The following TEAD1 variants were observed in gnomAD, a reference collection of about 807,000 sequenced individuals.
The protein encoded by TEAD1 is transcriptional enhancer factor TEF-1.
A neutral mutation model predicts 54.9 loss-of-function variants in TEAD1; 9 were observed. That is an observed-to-expected ratio of 0.16 (90% CI 0.10 to 0.29). The LOEUF (loss-of-function observed/expected upper bound fraction) is 0.29, where lower values mean the gene tolerates loss of function less well. Ranked by LOEUF, TEAD1 falls within the 10% of genes least tolerant of loss-of-function variation. TEAD1 has a pLI of 1.00. For synonymous variants in TEAD1, 200 were observed against 187.8 expected, an observed-to-expected ratio of 1.07 and a Z score of -0.53; for missense variants, 387 against 535.9, an observed-to-expected ratio of 0.72 and a Z score of 2.74.
intron 3 of TEAD1, among the ~76,000 whole-genome samples, chr11:12,796,283 A>C (rs922634394): frequency 6.6e-6 from 1 of 152,238 alleles, no homozygotes; most frequent in Non-Finnish European, 1.5e-5. Flanking sequence ...GTGGGCAGTC[A>C]GTGCTTGTTG....
At chr11:12,933,455 C>T (rs1949047897) in intron 12 of TEAD1, among the ~76,000 whole-genome samples, 1 of 152,080 alleles carries the variant, frequency 6.6e-6, no homozygotes, top group Non-Finnish European at 1.5e-5. Flanking sequence ...TACAAATCAT[C>T]TCTTATACTT....
At chr11:12,736,965 T>A (rs909897668) in intron 2 of TEAD1, among the ~76,000 whole-genome samples, 1 of 152,182 alleles carries the variant, frequency 6.6e-6, no homozygotes, top group African/African-American at 2.4e-5. Context: ...TATGTATGTA[T>A]TAAATATAGT....
At chr11:12,793,325 A>G (rs1381742729) in intron 3 of TEAD1, among the ~76,000 whole-genome samples, 2 of 152,168 alleles carry the variant, frequency 1.3e-5, no homozygotes, top group African/African-American at 2.4e-5. Flanking sequence ...AATATTTCCA[A>G]ATACCAATGT....
At chr11:12,777,069 A>G (rs988752055) in intron 3 of TEAD1, among the ~76,000 whole-genome samples, 1 of 152,018 alleles carries the variant, frequency 6.6e-6, no homozygotes, top group Admixed American at 6.6e-5. Flanking sequence ...CTAGGATTAC[A>G]GGCGTGAACC....
At chr11:12,885,978 T>C (rs1948080065) in intron 9 of TEAD1, among the ~76,000 whole-genome samples, 1 of 152,134 alleles carries the variant, frequency 6.6e-6, no homozygotes, top group African/African-American at 2.4e-5. Context: ...ACGAAACAGA[T>C]GATTATCTGA....
intron 2 of TEAD1, among the ~76,000 whole-genome samples, chr11:12,736,852 C>T (rs1428674377): frequency 6.6e-6 from 1 of 152,064 alleles, no homozygotes; most frequent in Admixed American, 6.5e-5. Flanking sequence ...TGAAAAGTGC[C>T]TTTTAAAATA....
intron 3 of TEAD1, among the ~76,000 whole-genome samples, chr11:12,768,996 C>T (rs1381622505): frequency 6.6e-6 from 1 of 152,126 alleles, no homozygotes; most frequent in Non-Finnish European, 1.5e-5. Context: ...AGCCTGGCCT[C>T]GGTAGTGGCC....
intron 3 of TEAD1, among the ~76,000 whole-genome samples, chr11:12,811,606 C>G (rs920950274): frequency 6.6e-6 from 1 of 152,252 alleles, no homozygotes; most frequent in Admixed American, 6.5e-5. Context: ...AGAACAAAAA[C>G]AGGAGTCAGG....
At chr11:12,837,713 T>TCCTTTCC (rs772171789) in intron 3 of TEAD1, among the ~76,000 whole-genome samples, 1 of 95,354 alleles carries the variant, frequency 1.0e-5, no homozygotes. Context: ...TTCTCCCTTC[T>TCCTTTCC]CCTTCTCCTT....
chr11:12,775,346 A>T (rs1013145815), intron 3 of TEAD1, among the ~76,000 whole-genome samples: 1 of 152,084 alleles, frequency 6.6e-6, no homozygotes, highest in African/African-American at 2.4e-5. Flanking sequence ...CATCAGAGGG[A>T]AGTAGAGAGT....
intron 2 of TEAD1, among the ~76,000 whole-genome samples, chr11:12,740,225 T>G (rs1003402325): frequency 6.6e-6 from 1 of 152,188 alleles, no homozygotes; most frequent in African/African-American, 2.4e-5. Context: ...AGTTTCCTCA[T>G]CTCTAAAATA....
chr11:12,730,018 G>T (rs538540615), intron 2 of TEAD1, among the ~76,000 whole-genome samples: 1 of 152,048 alleles, frequency 6.6e-6, no homozygotes, highest in Non-Finnish European at 1.5e-5. Context: ...AAGGTAACTG[G>T]GTCTAACATA....
At chr11:12,870,277 G>A (rs940655318) in intron 5 of TEAD1, among the ~76,000 whole-genome samples, 3 of 152,168 alleles carry the variant, frequency 2.0e-5, no homozygotes, top group South Asian at 2.1e-4. Flanking sequence ...AGATAGACTC[G>A]GCCAACAATT....
chr11:12,850,128 G>C (rs1309549835), intron 3 of TEAD1, among the ~76,000 whole-genome samples: 2 of 152,144 alleles, frequency 1.3e-5, no homozygotes, highest in Non-Finnish European at 2.9e-5. Flanking sequence ...CTGGTGCAGT[G>C]ACATTACATT....
chr11:12,777,685 C>G (rs906747640), intron 3 of TEAD1, among the ~76,000 whole-genome samples: 1 of 152,194 alleles, frequency 6.6e-6, no homozygotes, highest in Non-Finnish European at 1.5e-5. Flanking sequence ...ACTGCAATCT[C>G]TGTACTAAGA....
intron 2 of TEAD1, among the ~76,000 whole-genome samples, chr11:12,710,021 T>TA (rs10716753): frequency 5.2e-4 from 77 of 149,166 alleles, no homozygotes; most frequent in Non-Finnish European, 8.3e-4. Flanking sequence ...ACCAAATTGT[T>TA]AAAAAAAAAA....
chr11:12,684,469 C>T (rs769455932), intron 2 of TEAD1, among the ~76,000 whole-genome samples: 1 of 152,204 alleles, frequency 6.6e-6, no homozygotes, highest in Non-Finnish European at 1.5e-5. Context: ...TTAGGGTCTT[C>T]GGCCTTCTTG....
intron 3 of TEAD1, among the ~76,000 whole-genome samples, chr11:12,857,931 C>G (rs993427316): frequency 2.6e-5 from 4 of 151,986 alleles, no homozygotes; most frequent in Non-Finnish European, 5.9e-5. Flanking sequence ...CAAAAAAATA[C>G]AAAAGTTGGT....
intron 3 of TEAD1, among the ~76,000 whole-genome samples, chr11:12,777,454 A>T (rs537046685): frequency 6.6e-6 from 1 of 152,306 alleles, no homozygotes; most frequent in Admixed American, 6.5e-5. Flanking sequence ...TCTTAGATGA[A>T]TGGTTCTATT....
Sources: gnomAD v4.1 joint callset for allele counts (sites outside exome capture counted in the v4.1 genomes callset) on GRCh38, gnomAD v4.1.1 for gene constraint, MANE v1.5 for transcripts, NCBI Gene and HGNC (gene_info 2026-07-23, HGNC 2026-07-21) for gene names.